OIT3: variants seen among roughly 807,000 people sequenced by gnomAD.
The protein encoded by OIT3 is oncoprotein induced transcript 3, also known as oncoprotein-induced transcript 3 protein.
A neutral mutation model predicts 52.2 loss-of-function variants in OIT3; 41 were observed. The observed-to-expected ratio is 0.79, with a 90% confidence interval of 0.61 to 1.02. OIT3 has a LOEUF of 1.02. Ranked by LOEUF, OIT3 falls within the 50% of genes least tolerant of loss-of-function variation. The pLI is 0.00. For missense variants in OIT3, 634 were observed against 715.5 expected (o/e 0.89, Z 1.30); for synonymous variants, 244 against 276.9 (o/e 0.88, Z 1.18).
chr10:72,918,407 A>G (rs1206466792), intron 6 of OIT3: 1 of 783,776 alleles, frequency 1.3e-6, no homozygotes, highest in Non-Finnish European at 2.3e-6. Context: ...CTGTTTTTAA[A>G]GATAACTGGT....
chr10:72,915,954 T>A (rs188933319), intron 6 of OIT3, among the ~76,000 whole-genome samples: 1 of 152,154 alleles, frequency 6.6e-6, no homozygotes, highest in Non-Finnish European at 1.5e-5. Context: ...CCATGAATAA[T>A]GGGCATCAAC....
chr10:72,900,701 C>G (rs1487111788), intron 3 of OIT3, among the ~76,000 whole-genome samples: 1 of 152,188 alleles, frequency 6.6e-6, no homozygotes, highest in African/African-American at 2.4e-5. Context: ...AGGGTAGCCA[C>G]AGATGGCCAT....
intron 7 of OIT3, among the ~76,000 whole-genome samples, chr10:72,926,978 AC>A (rs1301644063): frequency 5.9e-5 from 9 of 152,196 alleles, no homozygotes; most frequent in African/African-American, 1.7e-4. Flanking sequence ...CATTTTTCTC[AC>A]TGTAAGTTTT....
chr10:72,913,527 G>A, intron 6 of OIT3, 59 bp downstream of exon 6: 1 of 1,341,116 alleles, frequency 7.5e-7, no homozygotes, highest in Non-Finnish European at 1.1e-6. Context: ...TTGGGAGGCA[G>A]TGGACAGAGG....
intron 7 of OIT3, among the ~76,000 whole-genome samples, chr10:72,925,115 CAAAAAAAAAA>C (rs751143274): frequency 7.9e-5 from 3 of 37,984 alleles, no homozygotes; most frequent in African/African-American, 2.2e-4. Flanking sequence ...CCTAAAATCT[CAAAAAAAAAA>C]AAAAAAAAAA....
At chr10:72,897,402 T>C (rs1047025304) in intron 1 of OIT3, among the ~76,000 whole-genome samples, 8 of 152,222 alleles carry the variant, frequency 5.3e-5, no homozygotes, top group Admixed American at 1.3e-4. Context: ...ATTTATGCAC[T>C]AAATATGTAT....
chr10:72,897,271 G>T (rs1256201045), intron 1 of OIT3, among the ~76,000 whole-genome samples: 1 of 152,100 alleles, frequency 6.6e-6, no homozygotes, highest in Non-Finnish European at 1.5e-5. Context: ...TGATCCACCC[G>T]CCTCGGCCCC....
intron 3 of OIT3, among the ~76,000 whole-genome samples, chr10:72,904,349 G>A (rs956082053): frequency 2.6e-5 from 4 of 152,148 alleles, no homozygotes; most frequent in South Asian, 2.1e-4. Flanking sequence ...TTTTGTCTGC[G>A]GCTTGTCCTG....
chr10:72,914,632 C>A (rs577187530), intron 6 of OIT3, among the ~76,000 whole-genome samples: 1 of 152,260 alleles, frequency 6.6e-6, no homozygotes, highest in South Asian at 2.1e-4. Context: ...TGATAAAAAG[C>A]TGAAAACCAT....
intron 4 of OIT3, 150 bp from the exon 5 acceptor site, chr10:72,911,567 A>C: frequency 2.8e-6 from 2 of 702,316 alleles, no homozygotes; most frequent in Non-Finnish European, 4.7e-6. Flanking sequence ...TTTCATAAAC[A>C]TTCCTTGAGG....
chr10:72,932,717 C>T lies in OIT3; in HGVS notation c.*193C>T. 2.0e-6 allele frequency: 1 copy of T among 503,982 alleles called. No homozygotes were observed. Among genetic ancestry groups the T allele is most frequent in the South Asian group, 3.8e-5 (1 of 26,422 alleles). The allele number at this position is 503,982 out of a possible 1,614,324, so 31.2% of individuals were successfully genotyped here. On this transcript the variant is annotated 3_prime_UTR_variant, in exon 9 of 9. Transcript: ENST00000334011. ...GTCACAGCACTGCTGAACAATGTGG[C>T]CTGGGTGGGGTTTCATCTTTCTAGG...
chr10:72,911,711 C>T lies in OIT3; in HGVS notation c.668-6C>T, dbSNP rs759477254. On this transcript the variant is annotated splice_polypyrimidine_tract_variant and splice_region_variant and intron_variant, in intron 4 of 8. Coordinates refer to ENST00000334011, the MANE Select transcript of OIT3 (RefSeq NM_152635.3). ...TTATTCCCTTTTCTGTTGGTTTCTA[C>T]TGCAGACGTTGAAGGATGCCACAAT... 6.2e-7 allele frequency: 1 copy of T among 1,612,208 alleles called. No homozygotes were observed. Among genetic ancestry groups the T allele is most frequent in the Non-Finnish European group, 8.5e-7 (1 of 1,179,090 alleles).
At position 72,898,812 on chromosome 10, in the gene OIT3, G is replaced by A. The variant is rs1564588758; in HGVS notation, c.210G>A (p.Met70Ile). The A allele has an allele frequency of 1.1e-5, 18 of 1,614,134 alleles. No homozygotes were observed. Among genetic ancestry groups the A allele is most frequent in the Non-Finnish European group, 1.5e-5 (18 of 1,179,998 alleles). Residue 70 changes from methionine to isoleucine, a missense_variant, in exon 2 of 9, where the codon ATG becomes ATA. By Grantham distance (10) the Met-to-Ile change is conservative (BLOSUM62 1). Transcript: ENST00000334011. Reference protein sequence around the residue: ...YHFTGMAGDAMPTFCIPENHC... With the variant: ...YHFTGMAGDAIPTFCIPENHC... ...TCACGGGCATGGCGGGAGATGCCATGCCTACCTTCTGCATACCAGAAAACC... is the reference window on the plus strand; with the variant it reads ...TCACGGGCATGGCGGGAGATGCCATACCTACCTTCTGCATACCAGAAAACC...
At chr10:72,904,566 G>A (rs1301080444) in intron 3 of OIT3, among the ~76,000 whole-genome samples, 1 of 152,150 alleles carries the variant, frequency 6.6e-6, no homozygotes, top group African/African-American at 2.4e-5. Context: ...AGTTCTGTTT[G>A]TTTGTTTTCA....
intron 3 of OIT3, 72 bp downstream of exon 3, chr10:72,900,556 A>G (rs1408415653): frequency 1.2e-5 from 9 of 771,030 alleles, no homozygotes; most frequent in Non-Finnish European, 2.0e-5. Flanking sequence ...TTCCTGCCTC[A>G]GAGCACCATC....
rs754587071 is a variant in OIT3 at position 72,898,963 on chromosome 10, G to A, written c.361G>A (p.Val121Ile). The change falls in exon 2 of 9, where the codon GTC (valine) becomes ATC (isoleucine). Residue 121 changes from valine (V) to isoleucine (I), a missense_variant. Coordinates refer to ENST00000334011, the MANE Select transcript of OIT3 (RefSeq NM_152635.3). ...NCCLWNTTVE[V>I]KACPGGYYVY... ...CTGTCTCTGGAACACCACGGTGGAA[G>A]TCAAGGCTTGCCCTGGAGGCTACTA... 1 of 1,614,212 alleles carries A rather than the reference G, an allele frequency of 6.2e-7. No homozygotes were observed. Among genetic ancestry groups the A allele is most frequent in the Non-Finnish European group, 8.5e-7 (1 of 1,180,028 alleles).
chr10:72,924,291 G>A lies in OIT3; in HGVS notation c.1014G>A (p.Gly338=), dbSNP rs769094378. The A allele has an allele frequency of 7.1e-5, 115 of 1,613,852 alleles. 1 individual carries two copies. The Admixed American group carries it at 1.6e-3, about 22-fold the overall frequency. ...LVTGLPKQTP[G]SSGDFIIRTS... ...CAGGTCTACCCAAGCAGACCCCGGG[G>A]AGCAGCGGGGACTTCATCATCCGAA... The change falls in exon 7 of 9, where the codon GGG becomes GGA. Residue 338 remains glycine (G), a synonymous_variant. Transcript: ENST00000334011.
intron 1 of OIT3, among the ~76,000 whole-genome samples, chr10:72,895,946 T>G (rs1845872041): frequency 6.6e-6 from 1 of 152,156 alleles, no homozygotes; most frequent in African/African-American, 2.4e-5. Flanking sequence ...AGTGGCCAGA[T>G]TATTAGATTG....
intron 5 of OIT3, among the ~76,000 whole-genome samples, chr10:72,912,811 G>C (rs778382484): frequency 1.1e-4 from 17 of 152,240 alleles, no homozygotes; most frequent in Non-Finnish European, 2.2e-4. Context: ...TATAGTCAGA[G>C]TTTATGGTTT....
Sources: gnomAD v4.1 joint callset for allele counts (sites outside exome capture counted in the v4.1 genomes callset) on GRCh38, gnomAD v4.1.1 for gene constraint, MANE v1.5 for transcripts, NCBI Gene and HGNC (gene_info 2026-07-23, HGNC 2026-07-21) for gene names.